The following NCAM2 variants were observed in gnomAD, a reference collection of about 807,000 sequenced individuals.
NCAM2 encodes the protein neural cell adhesion molecule 2, also known as N-CAM-2.
Under a neutral mutation model 98.1 loss-of-function variants are expected in NCAM2, and 30 were observed. That is an observed-to-expected ratio of 0.31 (90% CI 0.23 to 0.41). The LOEUF (loss-of-function observed/expected upper bound fraction) is 0.41. NCAM2 is among the 10% of genes least tolerant of loss of function. The pLI is 1.00. For missense variants in NCAM2, 867 were observed against 1,005.8 expected (o/e 0.86, Z 1.87); for synonymous variants, 368 against 342.4 (o/e 1.07, Z -0.83).
intron 1 of NCAM2, among the ~76,000 whole-genome samples, chr21:21,195,099 T>C (rs954080682): frequency 6.6e-6 from 1 of 152,154 alleles, no homozygotes; most frequent in African/African-American, 2.4e-5. Flanking sequence ...GGAATGAGTG[T>C]TACAGCAACC....
chr21:21,435,158 A>G (rs2077440604), intron 12 of NCAM2, among the ~76,000 whole-genome samples: 1 of 152,212 alleles, frequency 6.6e-6, no homozygotes, highest in Non-Finnish European at 1.5e-5. Flanking sequence ...CACTAACATT[A>G]TGCAATTTCC....
intron 1 of NCAM2, among the ~76,000 whole-genome samples, chr21:21,153,753 G>T (rs758520073): frequency 6.6e-6 from 1 of 151,828 alleles, no homozygotes; most frequent in South Asian, 2.1e-4. Flanking sequence ...TTGAATGATG[G>T]AGCTATGATG....
intron 8 of NCAM2, among the ~76,000 whole-genome samples, chr21:21,356,075 A>G (rs1234436766): frequency 6.6e-6 from 1 of 152,202 alleles, no homozygotes; most frequent in African/African-American, 2.4e-5. Context: ...AAGAATACAT[A>G]CTTAAAATAT....
chr21:21,154,043 ATAT>A (rs1342436083), intron 1 of NCAM2, among the ~76,000 whole-genome samples: 1 of 152,002 alleles, frequency 6.6e-6, no homozygotes, highest in East Asian at 1.9e-4. Flanking sequence ...AGAAGAGGTC[ATAT>A]TATTTTTAGC....
At chr21:21,245,865 A>G (rs1263450280) in intron 1 of NCAM2, among the ~76,000 whole-genome samples, 3 of 149,316 alleles carry the variant, frequency 2.0e-5, no homozygotes, top group East Asian at 4.0e-4. Flanking sequence ...AGATGAGGAT[A>G]AGGAAGAGAA....
At chr21:21,306,445 G>A (rs8133404) in intron 5 of NCAM2, among the ~76,000 whole-genome samples, 1,946 of 152,066 alleles carry the variant, frequency 0.013, 43 homozygotes, top group African/African-American at 0.045. Context: ...TGTTTATTCC[G>A]GATAATATTT....
intron 1 of NCAM2, among the ~76,000 whole-genome samples, chr21:21,264,957 ATG>A (rs571726188): frequency 0.017 from 370 of 21,618 alleles, 12 homozygotes; most frequent in Non-Finnish European, 0.02. Context: ...ATATATGTGT[ATG>A]TGTATATATA....
At chr21:21,048,956 A>C (rs1029988043) in intron 1 of NCAM2, among the ~76,000 whole-genome samples, 1 of 152,048 alleles carries the variant, frequency 6.6e-6, no homozygotes, top group African/African-American at 2.4e-5. Flanking sequence ...GAACCAAAAA[A>C]CAAAAAGTAT....
chr21:21,383,132 T>G (rs1427632265), intron 9 of NCAM2, among the ~76,000 whole-genome samples: 1 of 152,184 alleles, frequency 6.6e-6, no homozygotes, highest in East Asian at 1.9e-4. Flanking sequence ...GTCCTGGATA[T>G]TGTAAATATT....
intron 1 of NCAM2, among the ~76,000 whole-genome samples, chr21:21,150,997 C>T (rs1334004448): frequency 6.6e-6 from 1 of 151,092 alleles, no homozygotes. Context: ...TATTTTTAAT[C>T]GTGATATGTT....
At chr21:21,082,225 T>TTAAAA (rs1555882202) in intron 1 of NCAM2, among the ~76,000 whole-genome samples, 2 of 82,912 alleles carry the variant, frequency 2.4e-5, no homozygotes, top group African/African-American at 8.9e-5. Context: ...GAGAATCCTT[T>TTAAAA]AAAAAAAAAA....
chr21:21,332,417 T>C (rs918698299), intron 6 of NCAM2, among the ~76,000 whole-genome samples: 1 of 152,150 alleles, frequency 6.6e-6, no homozygotes, highest in Non-Finnish European at 1.5e-5. Flanking sequence ...GCAATATTAT[T>C]CTAAGGACAT....
At chr21:21,065,259 G>T (rs1019378610) in intron 1 of NCAM2, among the ~76,000 whole-genome samples, 3 of 151,902 alleles carry the variant, frequency 2.0e-5, no homozygotes, top group African/African-American at 7.3e-5. Flanking sequence ...AATTATAGAA[G>T]TCATAAGCCA....
At chr21:21,072,606 A>G (rs2065595737) in intron 1 of NCAM2, among the ~76,000 whole-genome samples, 1 of 152,154 alleles carries the variant, frequency 6.6e-6, no homozygotes, top group Admixed American at 6.5e-5. Context: ...ACAAAGGGAA[A>G]TGGATCTGAA....
At chr21:21,106,968 A>T (rs1238221405) in intron 1 of NCAM2, among the ~76,000 whole-genome samples, 1 of 152,136 alleles carries the variant, frequency 6.6e-6, no homozygotes, top group Non-Finnish European at 1.5e-5. Flanking sequence ...GGTACTTGTG[A>T]TAAGAAATAT....
chr21:21,353,547 C>G (rs2075396310), intron 8 of NCAM2, among the ~76,000 whole-genome samples: 1 of 152,160 alleles, frequency 6.6e-6, no homozygotes, highest in African/African-American at 2.4e-5. Context: ...ACGTCCTATG[C>G]TAGATGAAGA....
At chr21:21,075,595 T>G (rs1361777316) in intron 1 of NCAM2, among the ~76,000 whole-genome samples, 1 of 152,046 alleles carries the variant, frequency 6.6e-6, no homozygotes, top group African/African-American at 2.4e-5. Flanking sequence ...ACCTGTAGAG[T>G]TTTCACAGAT....
intron 12 of NCAM2, among the ~76,000 whole-genome samples, chr21:21,462,514 G>A (rs545289694): frequency 1.6e-4 from 24 of 152,022 alleles, no homozygotes; most frequent in African/African-American, 5.8e-4. Context: ...ATTTTGTGTA[G>A]TTCCCTTTAA....
chr21:21,037,416 C>T (rs1454543239), intron 1 of NCAM2, among the ~76,000 whole-genome samples: 1 of 152,018 alleles, frequency 6.6e-6, no homozygotes, highest in East Asian at 1.9e-4. Flanking sequence ...AACTACTAAG[C>T]CAGTTAACAG....
Sources: allele counts gnomAD v4.1 joint callset (sites outside exome capture counted in the v4.1 genomes callset), GRCh38; gene constraint gnomAD v4.1.1; transcripts MANE v1.5; gene names NCBI Gene and HGNC (gene_info 2026-07-23, HGNC 2026-07-21).